BID: variants seen among roughly 807,000 people sequenced by gnomAD.
BID encodes the protein BH3 interacting domain death agonist.
Under a neutral mutation model 17.4 loss-of-function variants are expected in BID, and 19 were observed. That is an observed-to-expected ratio of 1.09 (90% CI 0.76 to 1.60). BID has a LOEUF of 1.60. Among genes scored for constraint, BID ranks in the 40% most tolerant of loss-of-function variants. The probability of loss-of-function intolerance (pLI) is 0.00; values close to 1 mark genes in which losing one functional copy is unlikely to be tolerated. For synonymous variants in BID, 108 were observed against 102.8 expected (o/e 1.05, Z -0.31); for missense variants, 226 against 256.0 (o/e 0.88, Z 0.80).
At chr22:17,745,021 GGACA>G (rs1337943876) in intron 2 of BID, among the ~76,000 whole-genome samples, 1 of 152,164 alleles carries the variant, frequency 6.6e-6, no homozygotes, top group Non-Finnish European at 1.5e-5. Context: ...AACTTTTAGA[GGACA>G]GTTCTTACAG....
chr22:17,735,517 G>A lies in BID; in HGVS notation c.*63C>T. On this transcript the variant is annotated 3_prime_UTR_variant, in exon 6 of 6. Transcript: ENST00000622694. ...ACATGCCAGGGCTCCGTCTACACTG[G>A]AAGCAGCTATACAGCTGTGACCACA... is the stretch of plus-strand genomic sequence containing the variant. 6.2e-7 allele frequency: 1 copy of A among 1,606,422 alleles called. No homozygotes were observed. The highest frequency in any genetic ancestry group is 1.7e-5 in the Admixed American group (1 of 59,976).
intron 1 of BID, among the ~76,000 whole-genome samples, chr22:17,770,120 G>C (rs1179184965): frequency 2.0e-5 from 3 of 151,864 alleles, no homozygotes; most frequent in South Asian, 2.1e-4. Flanking sequence ...CTGTTCTCCT[G>C]CTGTCCCCAC....
intron 3 of BID, 183 bp from the exon 4 acceptor site, chr22:17,739,671 G>A: frequency 3.9e-6 from 3 of 774,816 alleles, no homozygotes; most frequent in Admixed American, 2.9e-5. Context: ...GCTGAGCTGG[G>A]TTCTGGGCAG....
At chr22:17,752,912 G>A (rs988634882) in intron 1 of BID, among the ~76,000 whole-genome samples, 4 of 148,562 alleles carry the variant, frequency 2.7e-5, no homozygotes, top group African/African-American at 7.5e-5. Flanking sequence ...TGATCCGCCC[G>A]TCTTGGCCTC....
chr22:17,745,883 T>C (rs923596640), intron 2 of BID, among the ~76,000 whole-genome samples: 2 of 152,014 alleles, frequency 1.3e-5, no homozygotes, highest in Admixed American at 6.6e-5. Flanking sequence ...GGAGAATCGC[T>C]TGAACCCGGG....
At chr22:17,760,607 A>T (rs1389416685) in intron 1 of BID, among the ~76,000 whole-genome samples, 1 of 152,052 alleles carries the variant, frequency 6.6e-6, no homozygotes, top group African/African-American at 2.4e-5. Flanking sequence ...CAAGCAAACC[A>T]CCACAATTCA....
intron 1 of BID, among the ~76,000 whole-genome samples, chr22:17,756,763 A>G (rs1417654543): frequency 1.3e-5 from 2 of 151,672 alleles, no homozygotes. Context: ...TTTAGCAGAG[A>G]TGGGGTTTCA....
intron 1 of BID, among the ~76,000 whole-genome samples, chr22:17,759,012 C>T (rs2061614435): frequency 6.6e-6 from 1 of 152,042 alleles, no homozygotes. Context: ...GTGGGCGGAT[C>T]ACAAGGTCAA....
intron 1 of BID, among the ~76,000 whole-genome samples, chr22:17,757,902 C>T (rs1007056088): frequency 6.6e-6 from 1 of 152,178 alleles, no homozygotes; most frequent in Admixed American, 6.5e-5. Context: ...CCGTTACGTG[C>T]ACCTATGGGT....
intron 1 of BID, 45 bp from the exon 2 acceptor site, chr22:17,750,219 T>G (rs2061527247): frequency 6.5e-7 from 1 of 1,546,936 alleles, no homozygotes; most frequent in South Asian, 1.2e-5. Context: ...TGGGAAGCCC[T>G]GGTCAGGACC....
intron 1 of BID, among the ~76,000 whole-genome samples, chr22:17,771,105 C>T (rs1205877958): frequency 6.6e-6 from 1 of 152,166 alleles, no homozygotes; most frequent in Non-Finnish European, 1.5e-5. Context: ...GATCTTTCCC[C>T]CACTTTTTTT....
rs1329531049 is a variant in BID, at chr22:17,756,428, C to CTT, written c.-58-6256_-58-6255dup. 6.9e-4 allele frequency among the ~76,000 whole-genome samples: 39 copies of CTT among 56,498 alleles called. No individual in the cohort carries two copies. The East Asian group carries it at 0.097, about 140-fold the overall frequency. The allele number at this position is 56,498 out of a possible 152,430, so 37.1% of individuals were successfully genotyped here. Reference sequence around the variant, plus strand: ...CTTTTTTCTCTTTCTTTCTTTCTTTCTTTCTTCTTTCTTTCTTTCTTTCTT... The same window carrying CTT: ...CTTTTTTCTCTTTCTTTCTTTCTTTCTTTTTCTTCTTTCTTTCTTTCTTTCTT... On this transcript the variant is annotated intron_variant, in intron 1 of 5. Coordinates refer to ENST00000622694, the MANE Select transcript of BID (RefSeq NM_001196.4).
At chr22:17,765,350 G>C (rs2061670660) in intron 1 of BID, among the ~76,000 whole-genome samples, 1 of 152,102 alleles carries the variant, frequency 6.6e-6, no homozygotes, top group African/African-American at 2.4e-5. Flanking sequence ...TGCAGGCCAA[G>C]ATACGGCCTC....
At chr22:17,756,267 G>A (rs1422147715) in intron 1 of BID, among the ~76,000 whole-genome samples, 3 of 152,216 alleles carry the variant, frequency 2.0e-5, no homozygotes, top group African/African-American at 7.2e-5. Context: ...TCCAAGAACT[G>A]TGTGCGCAGG....
At chr22:17,759,791 C>T in intron 1 of BID, among the ~76,000 whole-genome samples, 1 of 152,018 alleles carries the variant, frequency 6.6e-6, no homozygotes, top group Non-Finnish European at 1.5e-5. Flanking sequence ...ATAACTATAT[C>T]ACCACAAAAA....
intron 3 of BID, among the ~76,000 whole-genome samples, chr22:17,741,469 CTTTTT>C (rs3831843): frequency 6.8e-6 from 1 of 147,706 alleles, no homozygotes; most frequent in Non-Finnish European, 1.5e-5. Flanking sequence ...CTCACTGTAG[CTTTTT>C]TTTTTCTTTT....
intron 1 of BID, among the ~76,000 whole-genome samples, chr22:17,763,450 G>C (rs1294436097): frequency 2.0e-5 from 3 of 152,044 alleles, no homozygotes; most frequent in African/African-American, 7.2e-5. Flanking sequence ...CTCCGTGCTG[G>C]TCAAGCTGGT....
chr22:17,737,427 A>T (rs760394744), intron 5 of BID, among the ~76,000 whole-genome samples: 4 of 151,676 alleles, frequency 2.6e-5, no homozygotes, highest in Non-Finnish European at 2.9e-5. Context: ...GTTCACTGCA[A>T]CCTCTGCCTC....
chr22:17,762,083 C>T (rs980106410), intron 1 of BID, among the ~76,000 whole-genome samples: 2 of 151,932 alleles, frequency 1.3e-5, no homozygotes, highest in South Asian at 2.1e-4. Context: ...AGGGGCTGAG[C>T]GAAAGAGATA....
Sources: gnomAD v4.1 joint callset for allele counts (sites outside exome capture counted in the v4.1 genomes callset) on GRCh38, gnomAD v4.1.1 for gene constraint, MANE v1.5 for transcripts, NCBI Gene and HGNC (gene_info 2026-07-23, HGNC 2026-07-21) for gene names.